SPAG16: variants seen among roughly 807,000 people sequenced by gnomAD.
SPAG16 encodes sperm-associated antigen 16 protein.
Under a neutral mutation model 80.4 loss-of-function variants are expected in SPAG16, and 86 were observed. The ratio of observed to expected loss-of-function variants is 1.07; its 90% CI spans 0.90 to 1.28. The LOEUF is 1.28. Ranked by LOEUF, SPAG16 falls within the 50% of genes most tolerant of loss-of-function variation. The pLI, the probability that SPAG16 is intolerant of heterozygous loss-of-function variation, is 0.00. For synonymous variants in SPAG16, 294 were observed against 265.9 expected (o/e 1.11, Z -1.03); for missense variants, 870 against 765.3 (o/e 1.14, Z -1.61).
At chr2:213,975,107 T>G (rs2045299010) in intron 12 of SPAG16, among the ~76,000 whole-genome samples, 1 of 151,314 alleles carries the variant, frequency 6.6e-6, no homozygotes, top group South Asian at 2.1e-4. Flanking sequence ...TAGCAAGATA[T>G]TCATACAATA....
intron 9 of SPAG16, among the ~76,000 whole-genome samples, chr2:213,487,985 A>G (rs2125717758): frequency 6.6e-6 from 1 of 152,226 alleles, no homozygotes; most frequent in Admixed American, 6.5e-5. Flanking sequence ...GTTTAACTTA[A>G]TTATATATGA....
At chr2:213,404,362 A>C (rs1048290397) in intron 9 of SPAG16, among the ~76,000 whole-genome samples, 12 of 152,162 alleles carry the variant, frequency 7.9e-5, no homozygotes, top group African/African-American at 2.7e-4. Flanking sequence ...AAACAGAGAT[A>C]TAGACCAATG....
At chr2:213,886,838 C>A (rs529831940) in intron 11 of SPAG16, among the ~76,000 whole-genome samples, 1 of 152,042 alleles carries the variant, frequency 6.6e-6, no homozygotes, top group South Asian at 2.1e-4. Flanking sequence ...ATGAAGATGA[C>A]TAAAACCATT....
intron 10 of SPAG16, among the ~76,000 whole-genome samples, chr2:213,503,917 A>G (rs58022107): frequency 0.087 from 13,314 of 152,274 alleles, 1,466 homozygotes; most frequent in African/African-American, 0.26. Flanking sequence ...CTGAGAACAT[A>G]GTGAACTAGT....
intron 10 of SPAG16, among the ~76,000 whole-genome samples, chr2:213,813,461 C>A (rs561924624): frequency 6.6e-6 from 1 of 152,206 alleles, no homozygotes; most frequent in African/African-American, 2.4e-5. Flanking sequence ...AGGCGGGAGA[C>A]CACAGAGGAC....
At chr2:214,336,376 CTG>C (rs1697288746) in intron 15 of SPAG16, among the ~76,000 whole-genome samples, 1 of 152,072 alleles carries the variant, frequency 6.6e-6, no homozygotes, top group Non-Finnish European at 1.5e-5. Context: ...TCTGGACACT[CTG>C]GAGTTAAAAT....
At chr2:214,154,564 C>A (rs1476907231) in intron 15 of SPAG16, among the ~76,000 whole-genome samples, 1 of 138,946 alleles carries the variant, frequency 7.2e-6, no homozygotes, top group Non-Finnish European at 1.5e-5. Flanking sequence ...ATATTTGATT[C>A]ATCAGTTTCT....
At chr2:214,044,979 ACCTAGGCAATT>A (rs1299726544) in intron 13 of SPAG16, among the ~76,000 whole-genome samples, 1 of 152,142 alleles carries the variant, frequency 6.6e-6, no homozygotes, top group African/African-American at 2.4e-5. Flanking sequence ...GGACTGCAGC[ACCTAGGCAATT>A]CCTAGTGCTG....
intron 9 of SPAG16, among the ~76,000 whole-genome samples, chr2:213,457,052 C>T (rs2072064748): frequency 6.6e-6 from 1 of 150,944 alleles, no homozygotes; most frequent in Admixed American, 6.6e-5. Flanking sequence ...TTTCATTATT[C>T]ATCTGCCAAA....
intron 9 of SPAG16, among the ~76,000 whole-genome samples, chr2:213,397,809 T>G (rs2068117483): frequency 6.6e-6 from 1 of 152,248 alleles, no homozygotes; most frequent in East Asian, 1.9e-4. Flanking sequence ...CTTCACTCCC[T>G]AGGTGATCTC....
intron 10 of SPAG16, among the ~76,000 whole-genome samples, chr2:213,573,167 C>T (rs559011535): frequency 1.3e-5 from 2 of 152,012 alleles, no homozygotes; most frequent in South Asian, 2.1e-4. Context: ...AACCCGGTAC[C>T]TCAGATGGAA....
intron 11 of SPAG16, among the ~76,000 whole-genome samples, chr2:213,891,910 A>G (rs1043437740): frequency 6.6e-6 from 1 of 152,116 alleles, no homozygotes; most frequent in Non-Finnish European, 1.5e-5. Flanking sequence ...TCCCCATCAT[A>G]TTGGGTAGCC....
intron 10 of SPAG16, among the ~76,000 whole-genome samples, chr2:213,676,216 T>G (rs1202326035): frequency 6.6e-6 from 1 of 152,116 alleles, no homozygotes; most frequent in African/African-American, 2.4e-5. Context: ...TGCTTGTGAT[T>G]TTTGTACATT....
At chr2:213,909,483 A>G (rs1201173288) in intron 11 of SPAG16, among the ~76,000 whole-genome samples, 1 of 152,162 alleles carries the variant, frequency 6.6e-6, no homozygotes, top group Non-Finnish European at 1.5e-5. Context: ...ACTATACTAC[A>G]AGGCTACAGT....
At chr2:214,238,498 C>T (rs921800892) in intron 15 of SPAG16, 1 of 154,390 alleles carries the variant, frequency 6.5e-6, no homozygotes, top group Non-Finnish European at 1.4e-5. Context: ...TTAATGGGTT[C>T]ATTCAATAGT....
At chr2:214,113,369 C>G (rs2053772747) in intron 14 of SPAG16, among the ~76,000 whole-genome samples, 2 of 152,148 alleles carry the variant, frequency 1.3e-5, no homozygotes, top group Admixed American at 6.5e-5. Flanking sequence ...TGTTGAATGC[C>G]TTGCTAGGTT....
intron 15 of SPAG16, among the ~76,000 whole-genome samples, chr2:214,172,212 A>T (rs879400516): frequency 1.3e-5 from 2 of 151,950 alleles, no homozygotes; most frequent in Non-Finnish European, 2.9e-5. Context: ...GTCATTTAGC[A>T]TTAGGTATAT....
chr2:214,270,613 C>T (rs777954064), intron 15 of SPAG16, among the ~76,000 whole-genome samples: 2 of 152,044 alleles, frequency 1.3e-5, no homozygotes, highest in Non-Finnish European at 2.9e-5. Context: ...CATGAGTGAA[C>T]GTATTAGCTT....
chr2:214,322,415 AATTG>A (rs908712317), intron 15 of SPAG16, among the ~76,000 whole-genome samples: 4 of 152,040 alleles, frequency 2.6e-5, no homozygotes, highest in Middle Eastern at 3.4e-3. Context: ...TTGTTAAATA[AATTG>A]ATTGTTTTTA....
Sources: allele counts gnomAD v4.1 joint callset (sites outside exome capture counted in the v4.1 genomes callset), GRCh38; gene constraint gnomAD v4.1.1; transcripts MANE v1.5; gene names NCBI Gene and HGNC (gene_info 2026-07-23, HGNC 2026-07-21).